The following GULP1 variants were observed in gnomAD, a reference collection of about 807,000 sequenced individuals.
GULP1 encodes GULP PTB domain containing engulfment adaptor 1.
Under a neutral mutation model 40.9 loss-of-function variants are expected in GULP1, and 19 were observed. The ratio of observed to expected loss-of-function variants is 0.46; its 90% CI spans 0.32 to 0.68. The LOEUF (loss-of-function observed/expected upper bound fraction) is 0.68, where lower values mean the gene tolerates loss of function less well. Ranked by LOEUF, GULP1 falls within the 30% of genes least tolerant of loss-of-function variation. The probability of loss-of-function intolerance (pLI) is 0.03; values close to 1 mark genes in which losing one functional copy is unlikely to be tolerated. For missense variants in GULP1, 312 were observed against 362.2 expected (o/e 0.86, Z 1.12); for synonymous variants, 119 against 117.6 (o/e 1.01, Z -0.08).
chr2:188,547,370 T>C (rs994235200), intron 7 of GULP1, among the ~76,000 whole-genome samples: 1 of 151,964 alleles, frequency 6.6e-6, no homozygotes, highest in Admixed American at 6.6e-5. Context: ...AATATATATA[T>C]TGGAAGTTTA....
chr2:188,388,135 G>GT (rs1234663691), intron 2 of GULP1, among the ~76,000 whole-genome samples: 1 of 151,304 alleles, frequency 6.6e-6, no homozygotes, highest in East Asian at 2.0e-4. Context: ...GCGGTGTTTG[G>GT]TTTTTTTGTC....
chr2:188,483,942 G>GTGCTCTGT (rs1411068179), intron 4 of GULP1, among the ~76,000 whole-genome samples: 3 of 151,914 alleles, frequency 2.0e-5, no homozygotes, highest in Non-Finnish European at 4.4e-5. Context: ...TTATTTTATT[G>GTGCTCTGT]AGATGAAGAT....
chr2:188,499,372 G>A (rs116810239), intron 4 of GULP1, among the ~76,000 whole-genome samples: 5,911 of 150,478 alleles, frequency 0.039, 267 homozygotes, highest in African/African-American at 0.1. Flanking sequence ...TTATTATATT[G>A]TGCATCCACC....
intron 4 of GULP1, among the ~76,000 whole-genome samples, chr2:188,485,551 A>G (rs887412668): frequency 7.9e-5 from 12 of 151,942 alleles, no homozygotes; most frequent in African/African-American, 2.4e-4. Context: ...ATCTCTTGTT[A>G]TAGAATATGC....
chr2:188,554,743 G>A (rs746357058), intron 7 of GULP1, among the ~76,000 whole-genome samples: 6 of 151,640 alleles, frequency 4.0e-5, no homozygotes, highest in Admixed American at 2.6e-4. Flanking sequence ...GGGGTTTTGG[G>A]CTCCCCCACT....
intron 1 of GULP1, among the ~76,000 whole-genome samples, chr2:188,347,688 A>C: frequency 6.8e-6 from 1 of 147,388 alleles, no homozygotes; most frequent in Non-Finnish European, 1.5e-5. Context: ...ATCATGGCTC[A>C]CTGCAACCTT....
At chr2:188,592,399 G>A (rs915813457) in intron 11 of GULP1, 2 of 151,804 alleles carry the variant, frequency 1.3e-5, no homozygotes, top group Admixed American at 1.3e-4. Context: ...TTTACTTACA[G>A]TATTTTAGTT....
chr2:188,530,866 T>C (rs916369342), intron 6 of GULP1, among the ~76,000 whole-genome samples: 3 of 152,272 alleles, frequency 2.0e-5, no homozygotes, highest in Non-Finnish European at 4.4e-5. Context: ...GAAAAATTAA[T>C]ATTTAACTCC....
chr2:188,448,675 A>G (rs1433529075), intron 2 of GULP1, among the ~76,000 whole-genome samples: 1 of 152,126 alleles, frequency 6.6e-6, no homozygotes, highest in Admixed American at 6.5e-5. Context: ...ATATGGTTTG[A>G]GTATTTGTTC....
chr2:188,342,735 C>A (rs2043136238), intron 1 of GULP1, among the ~76,000 whole-genome samples: 1 of 152,084 alleles, frequency 6.6e-6, no homozygotes, highest in African/African-American at 2.4e-5. Context: ...CACAGCTATC[C>A]TCCAAAGATT....
chr2:188,405,278 G>C (rs2052908568), intron 2 of GULP1, among the ~76,000 whole-genome samples: 1 of 152,130 alleles, frequency 6.6e-6, no homozygotes, highest in Admixed American at 6.5e-5. Flanking sequence ...CTGCACCCAT[G>C]ATCTCAGCCC....
chr2:188,531,987 G>C (rs868132241), intron 6 of GULP1, among the ~76,000 whole-genome samples: 1 of 152,000 alleles, frequency 6.6e-6, no homozygotes. Flanking sequence ...TAGCTGTTTT[G>C]GAGTGTGTGT....
chr2:188,453,078 A>G (rs1001417429), intron 2 of GULP1, among the ~76,000 whole-genome samples: 8 of 151,968 alleles, frequency 5.3e-5, no homozygotes. Context: ...TCAGCCTCCC[A>G]AAGTGCTAGG....
At chr2:188,522,721 G>A in intron 4 of GULP1, 35 bp from the exon 5 acceptor site, 1 of 1,361,512 alleles carries the variant, frequency 7.3e-7, no homozygotes, top group Non-Finnish European at 1.1e-6. Context: ...ATATGATATG[G>A]TAAAAGCCTG....
chr2:188,357,262 T>A (rs1293318589), intron 1 of GULP1, among the ~76,000 whole-genome samples: 1 of 152,082 alleles, frequency 6.6e-6, no homozygotes, highest in East Asian at 1.9e-4. Flanking sequence ...TCAACAAAGT[T>A]AAAAGACAAC....
intron 1 of GULP1, among the ~76,000 whole-genome samples, chr2:188,381,432 A>G (rs1574883478): frequency 6.6e-6 from 1 of 152,154 alleles, no homozygotes; most frequent in South Asian, 2.1e-4. Context: ...TTCAAGGATA[A>G]TATTTTCTTT....
intron 2 of GULP1, among the ~76,000 whole-genome samples, chr2:188,415,599 G>T (rs2054477618): frequency 6.6e-6 from 1 of 152,062 alleles, no homozygotes; most frequent in Non-Finnish European, 1.5e-5. Flanking sequence ...ATTGCAATAG[G>T]AGGCACAAAT....
intron 2 of GULP1, among the ~76,000 whole-genome samples, chr2:188,403,479 C>G (rs2052607307): frequency 6.6e-6 from 1 of 152,102 alleles, no homozygotes; most frequent in Non-Finnish European, 1.5e-5. Context: ...TTTGATAAAT[C>G]TATGATAAAC....
At chr2:188,532,727 C>T (rs182202646) in intron 6 of GULP1, among the ~76,000 whole-genome samples, 1,611 of 147,976 alleles carry the variant, frequency 0.011, 36 homozygotes, top group African/African-American at 0.037. Flanking sequence ...ACCAGCCTGG[C>T]CAACATGATG....
Sources: gnomAD v4.1 joint callset for allele counts (sites outside exome capture counted in the v4.1 genomes callset) on GRCh38, gnomAD v4.1.1 for gene constraint, MANE v1.5 for transcripts, NCBI Gene and HGNC (gene_info 2026-07-23, HGNC 2026-07-21) for gene names.